Variants in RAP1A observed in about 807,000 individuals in gnomAD.
RAP1A encodes the protein ras-related protein Rap-1A.
In RAP1A, 6 loss-of-function variants were observed where a neutral mutation model predicts 26.4. The observed-to-expected ratio is 0.23, with a 90% CI of 0.12 to 0.45. The LOEUF (loss-of-function observed/expected upper bound fraction) is 0.45, where lower values mean the gene tolerates loss of function less well. Among genes scored for constraint, RAP1A ranks in the 20% least tolerant of loss-of-function variants. The pLI, the probability that RAP1A is intolerant of heterozygous loss-of-function variation, is 0.99. For synonymous variants in RAP1A, 73 were observed against 79.4 expected, an observed-to-expected ratio of 0.92 and a Z score of 0.43; for missense variants, 121 against 217.2, an observed-to-expected ratio of 0.56 and a Z score of 2.78.
At chr1:111,676,304 C>T (rs912704276) in intron 1 of RAP1A, among the ~76,000 whole-genome samples, 2 of 152,022 alleles carry the variant, frequency 1.3e-5, no homozygotes, top group South Asian at 2.1e-4. Context: ...TGCAGTGAGC[C>T]GAGATCATGC....
At chr1:111,659,338 G>A (rs1660559924) in intron 1 of RAP1A, among the ~76,000 whole-genome samples, 1 of 152,128 alleles carries the variant, frequency 6.6e-6, no homozygotes, top group African/African-American at 2.4e-5. Context: ...TTATGTGAAA[G>A]TAGTCTCTCT....
intron 1 of RAP1A, among the ~76,000 whole-genome samples, chr1:111,548,683 G>A (rs530366805): frequency 2.9e-4 from 44 of 152,274 alleles, no homozygotes; most frequent in African/African-American, 9.4e-4. Flanking sequence ...GGATGTGGAT[G>A]GTCTGCCACC....
upstream of RAP1A, among the ~76,000 whole-genome samples, chr1:111,619,516 C>T (rs939670517): frequency 6.6e-6 from 1 of 152,220 alleles, no homozygotes; most frequent in African/African-American, 2.4e-5. Context: ...TGAGTTCCCT[C>T]CAAATTCTCT....
chr1:111,670,338 G>A (rs1180056007), intron 1 of RAP1A, among the ~76,000 whole-genome samples: 1 of 152,080 alleles, frequency 6.6e-6, no homozygotes, highest in Non-Finnish European at 1.5e-5. Flanking sequence ...GCCGGACGTG[G>A]TGGCATGCAC....
At position 111,713,461 on chromosome 1, in the gene RAP1A, A is replaced by C. The variant is rs1041852913; in HGVS notation, c.*1060A>C. On this transcript the variant is annotated 3_prime_UTR_variant, in exon 8 of 8. Transcript: ENST00000369709. Reference sequence around the variant, plus strand: ...ATCAGGGTTTAACTTTTACTATTTCAGATCTTCCACAGCTTGTAATTTCAT... The same window carrying C: ...ATCAGGGTTTAACTTTTACTATTTCCGATCTTCCACAGCTTGTAATTTCAT... 1.1e-4 allele frequency: 17 copies of C among 152,202 alleles called. No homozygotes were observed. The highest frequency in any genetic ancestry group is 2.0e-4 in the Admixed American group (3 of 15,282). 9.4% of individuals were successfully genotyped at this position (152,202 alleles called of 1,614,324 possible).
intron 1 of RAP1A, among the ~76,000 whole-genome samples, chr1:111,645,886 A>G (rs982550019): frequency 6.6e-6 from 1 of 152,226 alleles, no homozygotes; most frequent in African/African-American, 2.4e-5. Context: ...GAGAAAAGGA[A>G]GGGAAACAAT....
chr1:111,564,150 A>G (rs1264542787), intron 1 of RAP1A, among the ~76,000 whole-genome samples: 9 of 152,218 alleles, frequency 5.9e-5, no homozygotes, highest in Non-Finnish European at 1.2e-4. Flanking sequence ...ACATAAATCA[A>G]TGAAAATCTG....
At chr1:111,618,969 C>T (rs998569709), upstream of RAP1A, among the ~76,000 whole-genome samples, 1 of 152,222 alleles carries the variant, frequency 6.6e-6, no homozygotes, top group South Asian at 2.1e-4. Context: ...TAACTTTTAA[C>T]AACATGAATC....
In RAP1A at chr1:111,619,798, C is replaced by G. The variant is rs1240946376; in HGVS notation, c.-164C>G. 5.0e-6 allele frequency: 2 copies of G among 398,552 alleles called. No homozygotes were observed. Among genetic ancestry groups the G allele is most frequent in the Non-Finnish European group, 8.8e-6 (2 of 226,504 alleles). 24.7% of individuals were successfully genotyped at this position (398,552 alleles called of 1,614,324 possible). A position where few individuals can be genotyped will look rare whatever the true frequency, so the allele number is the denominator to read the frequency against. ...TTCTGGAGGAGGCGCCGCCGCCGCT[C>G]CCGAGGCCCCTGCCGCCGCCGCTCC... On this transcript the variant is annotated 5_prime_UTR_variant, in exon 1 of 8. Transcript: ENST00000369709.
chr1:111,592,132 G>A (rs188737772), intron 1 of RAP1A, among the ~76,000 whole-genome samples: 135 of 152,312 alleles, frequency 8.9e-4, no homozygotes, highest in African/African-American at 3.1e-3. Flanking sequence ...ACTAGAAACG[G>A]ATGGCAAATG....
intron 3 of RAP1A, among the ~76,000 whole-genome samples, chr1:111,696,165 G>A (rs1449867306): frequency 6.6e-6 from 1 of 152,182 alleles, no homozygotes; most frequent in Admixed American, 6.5e-5. Flanking sequence ...ACCAGCCAGA[G>A]TTGTGGAAAA....
chr1:111,643,499 A>G (rs1201826298), intron 1 of RAP1A, among the ~76,000 whole-genome samples: 1 of 152,224 alleles, frequency 6.6e-6, no homozygotes, highest in Non-Finnish European at 1.5e-5. Flanking sequence ...TAAGCTGTTT[A>G]TTAGCACTAT....
At chr1:111,687,776 G>T (rs912649492) in intron 1 of RAP1A, among the ~76,000 whole-genome samples, 1 of 152,010 alleles carries the variant, frequency 6.6e-6, no homozygotes, top group Admixed American at 6.5e-5. Context: ...CACTTTGGGA[G>T]GCCAAGGTGG....
intron 5 of RAP1A, among the ~76,000 whole-genome samples, chr1:111,704,123 A>AT (rs1557898951): frequency 2.0e-5 from 3 of 149,986 alleles, no homozygotes; most frequent in Non-Finnish European, 4.4e-5. Flanking sequence ...ATAATTTGGC[A>AT]TATCTATGTA....
intron 1 of RAP1A, among the ~76,000 whole-genome samples, chr1:111,632,921 CAAAAAA>C (rs59053038): frequency 4.4e-4 from 30 of 68,780 alleles, no homozygotes; most frequent in African/African-American, 7.7e-4. Flanking sequence ...AACTTGGTCT[CAAAAAA>C]AAAAAAAAAA....
intron 6 of RAP1A, among the ~76,000 whole-genome samples, chr1:111,707,476 C>T (rs1256833309): frequency 6.6e-6 from 1 of 152,164 alleles, no homozygotes; most frequent in Non-Finnish European, 1.5e-5. Context: ...CACTTCTTTA[C>T]CCCTAAATAT....
intron 1 of RAP1A, among the ~76,000 whole-genome samples, chr1:111,561,234 C>T (rs1657723973): frequency 6.6e-6 from 1 of 152,178 alleles, no homozygotes. Flanking sequence ...GATGATCCTC[C>T]CACTTCAGCC....
chr1:111,611,562 T>C (rs760297253), intron 1 of RAP1A, among the ~76,000 whole-genome samples: 15 of 152,266 alleles, frequency 9.9e-5, no homozygotes, highest in Non-Finnish European at 2.1e-4. Flanking sequence ...TGAGCACTTA[T>C]GCTGTATCAG....
intron 5 of RAP1A, 86 bp from the exon 6 acceptor site, chr1:111,704,257 G>T (rs1206782691): frequency 1.2e-5 from 16 of 1,382,142 alleles, no homozygotes; most frequent in Middle Eastern, 2.6e-4. Flanking sequence ...CATTTCAGTT[G>T]GTGGCAGATA....
Sources: allele counts gnomAD v4.1 joint callset (sites outside exome capture counted in the v4.1 genomes callset), GRCh38; gene constraint gnomAD v4.1.1; transcripts MANE v1.5; gene names NCBI Gene and HGNC (gene_info 2026-07-23, HGNC 2026-07-21).